Variants in MARCHF1 observed in about 807,000 individuals in gnomAD.
MARCHF1 encodes the protein E3 ubiquitin-protein ligase MARCHF1.
MARCHF1 carries 40 observed loss-of-function variants against 54.2 expected under a neutral mutation model. That is an observed-to-expected ratio of 0.74 (90% CI 0.57 to 0.96). MARCHF1 has a LOEUF of 0.96. MARCHF1 is among the 40% of genes least tolerant of loss of function. MARCHF1 has a pLI of 0.00. For synonymous variants in MARCHF1, 236 were observed against 236.3 expected (o/e 1.00, Z 0.01); for missense variants, 586 against 656.5 (o/e 0.89, Z 1.17).
chr4:164,325,086 A>G (rs1411119724), intron 1 of MARCHF1, among the ~76,000 whole-genome samples: 1 of 151,978 alleles, frequency 6.6e-6, no homozygotes, highest in Non-Finnish European at 1.5e-5. Context: ...ATATTTTATT[A>G]GCATAGGAAT....
At chr4:163,741,127 A>G (rs1052463285) in intron 4 of MARCHF1, among the ~76,000 whole-genome samples, 1 of 152,218 alleles carries the variant, frequency 6.6e-6, no homozygotes, top group Non-Finnish European at 1.5e-5. Flanking sequence ...ATTCTTTTCT[A>G]CTAGTTATGC....
intron 2 of MARCHF1, among the ~76,000 whole-genome samples, chr4:163,995,005 A>G (rs1275369691): frequency 6.6e-6 from 1 of 152,056 alleles, no homozygotes; most frequent in African/African-American, 2.4e-5. Context: ...CAAACAAGCA[A>G]TTCTGCAGCA....
chr4:164,211,025 A>G (rs1731749052), intron 1 of MARCHF1, among the ~76,000 whole-genome samples: 1 of 152,164 alleles, frequency 6.6e-6, no homozygotes, highest in East Asian at 1.9e-4. Context: ...AAAAGCAGAG[A>G]GTAGAACAGT....
At chr4:164,375,881 A>G (rs1236324630) in intron 1 of MARCHF1, among the ~76,000 whole-genome samples, 1 of 152,052 alleles carries the variant, frequency 6.6e-6, no homozygotes, top group Non-Finnish European at 1.5e-5. Flanking sequence ...CCACCTCATT[A>G]ACCCTTCCTT....
intron 3 of MARCHF1, among the ~76,000 whole-genome samples, chr4:163,951,613 G>A (rs1348559357): frequency 3.9e-5 from 6 of 152,210 alleles, no homozygotes; most frequent in Admixed American, 3.9e-4. Flanking sequence ...AGAAATATCA[G>A]AAAGGTAAAG....
In MARCHF1 at chr4:163,846,213, T is replaced by C. The variant is rs539025077; in HGVS notation, c.111+7808A>G. 3.9e-5 allele frequency among the ~76,000 whole-genome samples: 6 copies of C among 152,348 alleles called. No individual in the cohort carries two copies. The South Asian group carries it at 1.2e-3, about 32-fold the overall frequency. The stretch of plus-strand genomic sequence containing the variant: ...CCGCAACTGAAAACTCTATCTGCTC[T>C]GACTTGATTTATTTTCAGAATGCAT... On this transcript the variant is annotated intron_variant, in intron 4 of 9. Transcript: ENST00000514618.
At chr4:164,247,682 A>C (rs1244397624) in intron 1 of MARCHF1, among the ~76,000 whole-genome samples, 1 of 151,650 alleles carries the variant, frequency 6.6e-6, no homozygotes, top group Non-Finnish European at 1.5e-5. Context: ...ATGGGAATGA[A>C]GGACAAGGGG....
At chr4:163,884,357 C>T (rs561885284) in intron 3 of MARCHF1, among the ~76,000 whole-genome samples, 1 of 152,156 alleles carries the variant, frequency 6.6e-6, no homozygotes, top group East Asian at 1.9e-4. Context: ...TGAGCTGTTT[C>T]CTTTTTTAGT....
At chr4:163,686,096 TA>T (rs1744261507) in intron 5 of MARCHF1, among the ~76,000 whole-genome samples, 2 of 152,220 alleles carry the variant, frequency 1.3e-5, no homozygotes, top group Non-Finnish European at 2.9e-5. Context: ...TAACACATAG[TA>T]AGTGCTTAAT....
At chr4:164,241,824 G>T (rs947198115) in intron 1 of MARCHF1, among the ~76,000 whole-genome samples, 17 of 152,238 alleles carry the variant, frequency 1.1e-4, no homozygotes, top group Non-Finnish European at 2.2e-4. Context: ...GGAAGCACAA[G>T]AGGTCAGGGA....
intron 7 of MARCHF1, among the ~76,000 whole-genome samples, chr4:163,587,193 C>T (rs1169905131): frequency 6.6e-6 from 1 of 152,166 alleles, no homozygotes; most frequent in Non-Finnish European, 1.5e-5. Flanking sequence ...ACAAGTCTCC[C>T]ATAACTTTAG....
At chr4:163,745,850 A>G (rs139573502) in intron 4 of MARCHF1, among the ~76,000 whole-genome samples, 1 of 150,064 alleles carries the variant, frequency 6.7e-6, no homozygotes, top group South Asian at 2.1e-4. Context: ...AAAAAAAAAA[A>G]GAGACTTTAT....
intron 4 of MARCHF1, among the ~76,000 whole-genome samples, chr4:163,851,972 G>C (rs776345982): frequency 1.3e-5 from 2 of 152,196 alleles, no homozygotes; most frequent in Non-Finnish European, 2.9e-5. Flanking sequence ...TATATGTTAA[G>C]AAACTGAGAT....
chr4:164,338,722 C>T (rs1190937209), intron 1 of MARCHF1, among the ~76,000 whole-genome samples: 1 of 152,094 alleles, frequency 6.6e-6, no homozygotes, highest in African/African-American at 2.4e-5. Context: ...CCTGTAATCC[C>T]AGCACTTTGG....
chr4:163,553,640 C>T (rs1226573320), intron 8 of MARCHF1, among the ~76,000 whole-genome samples: 1 of 152,114 alleles, frequency 6.6e-6, no homozygotes, highest in Admixed American at 6.5e-5. Context: ...TTAATATATG[C>T]CCCAGTAACT....
chr4:163,921,684 AAG>A (rs1045169195), intron 3 of MARCHF1, among the ~76,000 whole-genome samples: 5 of 152,162 alleles, frequency 3.3e-5, no homozygotes, highest in Admixed American at 6.6e-5. Flanking sequence ...ATATCATAAA[AAG>A]AAATCAATTT....
intron 1 of MARCHF1, among the ~76,000 whole-genome samples, chr4:164,309,590 T>G (rs1734793389): frequency 6.6e-6 from 1 of 152,196 alleles, no homozygotes; most frequent in Non-Finnish European, 1.5e-5. Flanking sequence ...GAAAGATGAC[T>G]TCTACCTTCA....
intron 1 of MARCHF1, among the ~76,000 whole-genome samples, chr4:164,177,458 AAGG>A (rs750428590): frequency 8.5e-5 from 13 of 152,106 alleles, no homozygotes; most frequent in Non-Finnish European, 1.9e-4. Flanking sequence ...GTGAATGACA[AAGG>A]AGATTATTGT....
intron 4 of MARCHF1, among the ~76,000 whole-genome samples, chr4:163,815,000 A>C (rs1024273253): frequency 6.6e-6 from 1 of 152,218 alleles, no homozygotes; most frequent in African/African-American, 2.4e-5. Context: ...AAAGGCCATA[A>C]ATGCCAGCTT....
Sources: gnomAD v4.1 joint callset for allele counts (sites outside exome capture counted in the v4.1 genomes callset) on GRCh38, gnomAD v4.1.1 for gene constraint, MANE v1.5 for transcripts, NCBI Gene and HGNC (gene_info 2026-07-23, HGNC 2026-07-21) for gene names.